Variants in CLCN4 observed in about 807,000 individuals in gnomAD.
CLCN4 encodes the protein H(+)/Cl(-) exchange transporter 4.
A neutral mutation model predicts 41.7 loss-of-function variants in CLCN4; 1 was observed. That is an observed-to-expected ratio of 0.02 (90% CI 0.01 to 0.11). The LOEUF is 0.11. Ranked by LOEUF, CLCN4 falls within the 10% of genes least tolerant of loss-of-function variation. CLCN4 has a pLI of 1.00. For missense variants in CLCN4, 287 were observed against 661.0 expected (o/e 0.43, Z 6.20); for synonymous variants, 277 against 285.8 (o/e 0.97, Z 0.31).
chrX:10,169,212 C>T (rs748690513), intron 2 of CLCN4, among the ~76,000 whole-genome samples: 14 of 111,493 alleles, frequency 1.3e-4, no homozygotes, highest in Admixed American at 3.8e-4. Flanking sequence ...CATTTATTTC[C>T]GAGAAACTTC....
intron 4 of CLCN4, among the ~76,000 whole-genome samples, chrX:10,191,926 T>C (rs931158113): frequency 1.4e-4 from 16 of 110,664 alleles, no homozygotes; most frequent in Admixed American, 9.7e-4. Context: ...GGGTCTACTC[T>C]TTGCACTGCT....
intron 3 of CLCN4, among the ~76,000 whole-genome samples, chrX:10,187,307 T>A (rs759881408): frequency 7.1e-5 from 8 of 112,271 alleles, no homozygotes; most frequent in Non-Finnish European, 1.5e-4. Context: ...TGGAGACTTT[T>A]GTGGCATCTT....
In CLCN4 at chrX:10,187,577, G is replaced by C; in HGVS notation, c.207G>C (p.Ser69=). Residue 69 remains serine, a synonymous_variant, in exon 4 of 13, where the codon TCG becomes TCC. Transcript: ENST00000380833. ...EFIKSLLDAW[S]GWVVMLLIGL... ...TCAAGAGCCTGCTGGATGCCTGGTCGGGATGGGTGGTGATGCTGCTCATCG... is the reference window on the plus strand; with the variant it reads ...TCAAGAGCCTGCTGGATGCCTGGTCCGGATGGGTGGTGATGCTGCTCATCG... 8.3e-7 allele frequency: 1 copy of C among 1,211,149 alleles called. No homozygotes were observed. The highest frequency in any genetic ancestry group is 1.1e-6 in the Non-Finnish European group (1 of 894,911).
intron 12 of CLCN4, among the ~76,000 whole-genome samples, chrX:10,222,842 C>T (rs1324331653): frequency 3.6e-5 from 4 of 112,039 alleles, no homozygotes; most frequent in African/African-American, 1.3e-4. Flanking sequence ...GAGTGAGCAT[C>T]CTCCTTAGCT....
At chrX:10,211,265 CAAAA>C (rs71774120) in intron 9 of CLCN4, among the ~76,000 whole-genome samples, 4 of 48,808 alleles carry the variant, frequency 8.2e-5, no homozygotes, top group Non-Finnish European at 9.9e-5. Context: ...GATTCCGTCT[CAAAA>C]AAAAAAAAAA....
At chrX:10,180,308 C>G (rs1251082305) in intron 2 of CLCN4, among the ~76,000 whole-genome samples, 1 of 111,815 alleles carries the variant, frequency 8.9e-6, no homozygotes, top group East Asian at 2.8e-4. Context: ...TCTACTTTCT[C>G]TCTCCTTGAA....
intron 2 of CLCN4, among the ~76,000 whole-genome samples, chrX:10,165,190 C>T (rs1309223326): frequency 8.8e-6 from 1 of 113,354 alleles, no homozygotes; most frequent in Non-Finnish European, 1.9e-5. Flanking sequence ...AGGGCCTTTG[C>T]ACTGGCTATT....
chrX:10,167,225 C>G (rs1923274285), intron 2 of CLCN4, among the ~76,000 whole-genome samples: 1 of 112,351 alleles, frequency 8.9e-6, no homozygotes, highest in South Asian at 3.7e-4. Context: ...CACCTGGCTC[C>G]CGTCACTGTC....
intron 12 of CLCN4, among the ~76,000 whole-genome samples, chrX:10,227,096 A>C (rs1447597450): frequency 1.8e-5 from 2 of 111,280 alleles, no homozygotes; most frequent in Non-Finnish European, 3.8e-5. Flanking sequence ...TACAACAAAA[A>C]AAGAAAACTT....
chrX:10,181,331 T>C (rs78647186), intron 2 of CLCN4, among the ~76,000 whole-genome samples: 30,802 of 106,355 alleles, frequency 0.29, 3,902 homozygotes, highest in African/African-American at 0.46. Flanking sequence ...TGCACTCTAC[T>C]GTGGGTGACA....
chrX:10,183,245 C>A, intron 2 of CLCN4, among the ~76,000 whole-genome samples: 1 of 112,228 alleles, frequency 8.9e-6, no homozygotes, highest in Admixed American at 9.4e-5. Flanking sequence ...TTCAACTTGG[C>A]ATGGCTCAAA....
chrX:10,182,185 G>A (rs1053998128), intron 2 of CLCN4, among the ~76,000 whole-genome samples: 1 of 112,022 alleles, frequency 8.9e-6, no homozygotes, highest in Admixed American at 9.4e-5. Context: ...CCCCAGAGTT[G>A]GTCTGCATTG....
chrX:10,181,360 AAAAAGAAAG>A (rs1458926295), intron 2 of CLCN4, among the ~76,000 whole-genome samples: 2 of 91,245 alleles, frequency 2.2e-5, no homozygotes, highest in Non-Finnish European at 4.2e-5. Context: ...CCCTGAAAAA[AAAAAGAAAG>A]AAAAGAAAGA....
At chrX:10,215,506 G>C (rs769307894) in intron 11 of CLCN4, among the ~76,000 whole-genome samples, 1 of 111,876 alleles carries the variant, frequency 8.9e-6, no homozygotes, top group African/African-American at 3.2e-5. Context: ...GGGTAGGTAG[G>C]TGCCTTTGTG....
chrX:10,225,368 A>G (rs996001683), intron 12 of CLCN4, among the ~76,000 whole-genome samples: 1 of 111,949 alleles, frequency 8.9e-6, no homozygotes, highest in Admixed American at 9.4e-5. Flanking sequence ...GCTTTTTCTC[A>G]TATGTTTGTT....
intron 2 of CLCN4, among the ~76,000 whole-genome samples, chrX:10,179,378 C>G (rs954252133): frequency 2.7e-5 from 3 of 111,614 alleles, no homozygotes; most frequent in Non-Finnish European, 5.6e-5. Flanking sequence ...GGGAGTCGTA[C>G]AAGTCTCTTG....
At chrX:10,205,273 T>A (rs5979276) in intron 6 of CLCN4, among the ~76,000 whole-genome samples, 7,426 of 109,338 alleles carry the variant, frequency 0.068, 548 homozygotes, top group African/African-American at 0.21. Context: ...GGAGATGGAG[T>A]CCATCCTGGC....
chrX:10,174,979 A>C (rs766032545), intron 2 of CLCN4, among the ~76,000 whole-genome samples: 2 of 112,365 alleles, frequency 1.8e-5, no homozygotes, highest in East Asian at 5.6e-4. Flanking sequence ...TGTAAACGGG[A>C]TCACACAGAG....
At chrX:10,167,603 C>G (rs1201455313) in intron 2 of CLCN4, among the ~76,000 whole-genome samples, 4 of 112,037 alleles carry the variant, frequency 3.6e-5, no homozygotes, top group African/African-American at 1.3e-4. Context: ...TCTCTTGGAC[C>G]ACCCCCTCTA....
Sources: gnomAD v4.1 joint callset for allele counts (sites outside exome capture counted in the v4.1 genomes callset) on GRCh38, gnomAD v4.1.1 for gene constraint, MANE v1.5 for transcripts, NCBI Gene and HGNC (gene_info 2026-07-23, HGNC 2026-07-21) for gene names.